PSMD5: variants seen among roughly 807,000 people sequenced by gnomAD.
PSMD5 encodes the protein proteasome 26S subunit, non-ATPase 5, also known as 26S proteasome non-ATPase regulatory subunit 5.
PSMD5 carries 40 observed loss-of-function variants against 52.1 expected under a neutral mutation model. That is an observed-to-expected ratio of 0.77 (90% CI 0.60 to 1.00). The LOEUF (loss-of-function observed/expected upper bound fraction) is 1.00, where lower values mean the gene tolerates loss of function less well. PSMD5 is among the 50% of genes least tolerant of loss of function. PSMD5 has a pLI of 0.00. For synonymous variants in PSMD5, 211 were observed against 226.6 expected (o/e 0.93, Z 0.62); for missense variants, 575 against 605.2 (o/e 0.95, Z 0.52).
intron 2 of PSMD5, 54 bp from the exon 3 acceptor site, chr9:120,831,999 A>T: frequency 6.3e-7 from 1 of 1,576,948 alleles, no homozygotes; most frequent in Non-Finnish European, 8.6e-7. Context: ...CATACGGTAA[A>T]CACACGATGG....
At chr9:120,819,703 G>A (rs1427669964) in intron 9 of PSMD5, among the ~76,000 whole-genome samples, 6 of 152,200 alleles carry the variant, frequency 3.9e-5, no homozygotes, top group Admixed American at 3.3e-4. Flanking sequence ...CGGGCATGGT[G>A]GTGGGCGCCC....
chr9:120,820,812 G>A, intron 9 of PSMD5, 27 bp downstream of exon 9: 1 of 1,535,082 alleles, frequency 6.5e-7, no homozygotes, highest in South Asian at 1.3e-5. Flanking sequence ...CAGGGTCCCA[G>A]AAGGACCTAT....
intron 4 of PSMD5, among the ~76,000 whole-genome samples, chr9:120,830,727 AAAGTTTACTGT>A (rs1265557194): frequency 6.6e-6 from 1 of 152,176 alleles, no homozygotes; most frequent in Non-Finnish European, 1.5e-5. Context: ...AACAACATAC[AAAGTTTACTGT>A]AAGAATTAAA....
At chr9:120,822,114 G>A (rs2045089574) in intron 7 of PSMD5, among the ~76,000 whole-genome samples, 1 of 151,888 alleles carries the variant, frequency 6.6e-6, no homozygotes, top group Non-Finnish European at 1.5e-5. Context: ...ATTATTTTAT[G>A]GGTTTTTTTT....
chr9:120,816,074 AT>A lies in PSMD5; in HGVS notation c.*1831del, dbSNP rs1338895750. The A allele has an allele frequency of 6.2e-6, 1 of 161,982 alleles. No individual in the cohort carries two copies. The highest frequency in any genetic ancestry group is 1.3e-5 in the Non-Finnish European group (1 of 76,424). The allele number at this position is 161,982 out of a possible 1,614,324, so 10.0% of individuals were successfully genotyped here. A position where few individuals can be genotyped will look rare whatever the true frequency, so the allele number is the denominator to read the frequency against. On this transcript the variant is annotated 3_prime_UTR_variant, in exon 10 of 10. Transcript: ENST00000210313. ...GGTGTTTACTTATGAAATGAAAATAATGATTTACAAATTTTATTCAATCTAA... is the reference window on the plus strand; with the variant it reads ...GGTGTTTACTTATGAAATGAAAATAAGATTTACAAATTTTATTCAATCTAA...
In PSMD5 at chr9:120,831,396, T is replaced by C. The variant is rs769676967; in HGVS notation, c.496A>G (p.Asn166Asp). The change falls in exon 4 of 10, where the codon AAT (asparagine) becomes GAT (aspartate). Residue 166 changes from asparagine (N) to aspartate (D), a missense_variant. By Grantham distance (23) the Asn-to-Asp change is conservative. Coordinates refer to ENST00000210313, the MANE Select transcript of PSMD5 (RefSeq NM_005047.4). ...QAGLEALFES[N>D]LLDDLKSVMK... ...ACACTTTTCAAATCATCCAGCAGATTGCTTTCAAATAAAGCCTCCAGTCCA... is the reference window on the plus strand; with the variant it reads ...ACACTTTTCAAATCATCCAGCAGATCGCTTTCAAATAAAGCCTCCAGTCCA... The C allele has an allele frequency of 6.2e-7, 1 of 1,613,030 alleles. No individual in the cohort carries two copies. Among genetic ancestry groups the C allele is most frequent in the Admixed American group, 1.7e-5 (1 of 59,774 alleles).
At chr9:120,819,444 A>T (rs1055563568) in intron 9 of PSMD5, among the ~76,000 whole-genome samples, 2 of 152,250 alleles carry the variant, frequency 1.3e-5, no homozygotes, top group African/African-American at 4.8e-5. Flanking sequence ...ATAAGGTAGA[A>T]GAGCAAAACC....
At position 120,831,819 on chromosome 9, in the gene PSMD5, C is replaced by T. The variant is rs367869702; in HGVS notation, c.432+13G>A. 97 of 1,610,006 alleles carry T rather than the reference C, an allele frequency of 6.0e-5. No individual in the cohort carries two copies. The highest frequency in any genetic ancestry group is 1.6e-4 in the Middle Eastern group (1 of 6,068). On this transcript the variant is annotated intron_variant, in intron 3 of 9. Coordinates refer to ENST00000210313, the MANE Select transcript of PSMD5 (RefSeq NM_005047.4). ...TCTCTGCACATTTAAGTCAATGATT[C>T]TAGTAGACTCACCGCTTTTGCTACA... is the stretch of plus-strand genomic sequence containing the variant.
intron 9 of PSMD5, among the ~76,000 whole-genome samples, chr9:120,819,609 C>T (rs909902083): frequency 9.2e-5 from 14 of 152,130 alleles, no homozygotes; most frequent in Non-Finnish European, 1.5e-4. Context: ...CCGAGGCGGG[C>T]GGATCACAAG....
intron 4 of PSMD5, among the ~76,000 whole-genome samples, chr9:120,829,719 T>C (rs1447193059): frequency 1.3e-5 from 2 of 152,162 alleles, no homozygotes; most frequent in African/African-American, 4.8e-5. Flanking sequence ...AATGTTCCAT[T>C]ATATCTAGGT....
At position 120,817,829 on chromosome 9, in the gene PSMD5, T is replaced by G; in HGVS notation, c.*77A>C. Reference sequence around the variant, plus strand: ...TCTTGGGGAAAGGAAGTCTCTTTTGTGAAATATAGATGGAGTCAAATGCCT... The same window carrying G: ...TCTTGGGGAAAGGAAGTCTCTTTTGGGAAATATAGATGGAGTCAAATGCCT... On this transcript the variant is annotated 3_prime_UTR_variant, in exon 10 of 10. Transcript: ENST00000210313. 1 of 1,435,234 alleles carries G rather than the reference T, an allele frequency of 7.0e-7. No individual in the cohort carries two copies. The highest frequency in any genetic ancestry group is 9.4e-7 in the Non-Finnish European group (1 of 1,058,576). The allele number at this position is 1,435,234 out of a possible 1,614,324, so 88.9% of individuals were successfully genotyped here. A position where few individuals can be genotyped will look rare whatever the true frequency, so the allele number is the denominator to read the frequency against.
At chr9:120,827,347 C>T (rs1219718025) in intron 5 of PSMD5, among the ~76,000 whole-genome samples, 1 of 152,108 alleles carries the variant, frequency 6.6e-6, no homozygotes, top group Admixed American at 6.6e-5. Flanking sequence ...AAAGCAAATC[C>T]TAGTCACCCT....
intron 3 of PSMD5, 113 bp downstream of exon 3, chr9:120,831,719 A>G (rs942785728): frequency 2.8e-6 from 4 of 1,451,788 alleles, no homozygotes; most frequent in East Asian, 2.3e-5. Flanking sequence ...TGTAAATTCC[A>G]TTACGCAAAT....
At chr9:120,828,417 C>T (rs2045137836) in intron 5 of PSMD5, among the ~76,000 whole-genome samples, 1 of 147,908 alleles carries the variant, frequency 6.8e-6, no homozygotes, top group Non-Finnish European at 1.5e-5. Context: ...CAAGCCAAGT[C>T]TTCCTCATTT....
At chr9:120,833,913 T>C (rs1473672529) in intron 1 of PSMD5, among the ~76,000 whole-genome samples, 2 of 150,826 alleles carry the variant, frequency 1.3e-5, no homozygotes, top group Non-Finnish European at 3.0e-5. Flanking sequence ...TGACCTCAGG[T>C]GATCCACCTG....
intron 4 of PSMD5, among the ~76,000 whole-genome samples, chr9:120,829,999 T>C (rs2045149180): frequency 6.6e-6 from 1 of 152,152 alleles, no homozygotes; most frequent in Non-Finnish European, 1.5e-5. Context: ...CTAGGGATGA[T>C]AAAAATGGAT....
At chr9:120,837,014 C>T (rs569094063) in intron 1 of PSMD5, among the ~76,000 whole-genome samples, 22 of 151,864 alleles carry the variant, frequency 1.4e-4, no homozygotes, top group African/African-American at 4.1e-4. Flanking sequence ...CTCAGCCTCC[C>T]GAGTAGCTGG....
At chr9:120,820,660 T>C (rs375080666) in intron 9 of PSMD5, among the ~76,000 whole-genome samples, 179 bp downstream of exon 9, 5 of 152,220 alleles carry the variant, frequency 3.3e-5, no homozygotes, top group Admixed American at 6.5e-5. Flanking sequence ...CTAATATCTT[T>C]TACTGAAACA....
intron 9 of PSMD5, among the ~76,000 whole-genome samples, chr9:120,820,342 A>G (rs2045074839): frequency 6.6e-6 from 1 of 152,218 alleles, no homozygotes; most frequent in South Asian, 2.1e-4. Flanking sequence ...GAGAACCAAC[A>G]TTGTTTAACT....
Sources: gnomAD v4.1 joint callset for allele counts (sites outside exome capture counted in the v4.1 genomes callset) on GRCh38, gnomAD v4.1.1 for gene constraint, MANE v1.5 for transcripts, NCBI Gene and HGNC (gene_info 2026-07-23, HGNC 2026-07-21) for gene names.